The following PLEKHG7 variants were observed in gnomAD, a reference collection of about 807,000 sequenced individuals.
The protein encoded by PLEKHG7 is pleckstrin homology and RhoGEF domain containing G7, also known as pleckstrin homology domain-containing family G member 7.
Under a neutral mutation model 85.2 loss-of-function variants are expected in PLEKHG7, and 77 were observed. The ratio of observed to expected loss-of-function variants is 0.90; its 90% CI spans 0.75 to 1.09. The LOEUF (loss-of-function observed/expected upper bound fraction) is 1.09, where lower values mean the gene tolerates loss of function less well. PLEKHG7 is among the 50% of genes least tolerant of loss of function. PLEKHG7 has a pLI of 0.00. For missense variants in PLEKHG7, 777 were observed against 804.3 expected (o/e 0.97, Z 0.41); for synonymous variants, 301 against 302.4 (o/e 1.00, Z 0.05).
chr12:92,731,298 G>T (rs1312007982), intron 4 of PLEKHG7, among the ~76,000 whole-genome samples: 1 of 152,190 alleles, frequency 6.6e-6, no homozygotes, highest in Non-Finnish European at 1.5e-5. Context: ...CAATAAGCTG[G>T]TCAAAATGAA....
intron 3 of PLEKHG7, among the ~76,000 whole-genome samples, chr12:92,726,377 G>A (rs143223419): frequency 3.4e-4 from 51 of 152,232 alleles, no homozygotes; most frequent in African/African-American, 1.0e-3. Context: ...AACTTTCCAG[G>A]CAATTCATAG....
chr12:92,758,705 G>A (rs1293558462), intron 13 of PLEKHG7, among the ~76,000 whole-genome samples: 1 of 152,218 alleles, frequency 6.6e-6, no homozygotes, highest in Non-Finnish European at 1.5e-5. Context: ...CCAGGCACTT[G>A]TTTAATGGCA....
At chr12:92,758,059 T>G (rs750033502) in intron 13 of PLEKHG7, among the ~76,000 whole-genome samples, 29 of 152,238 alleles carry the variant, frequency 1.9e-4, no homozygotes, top group Non-Finnish European at 3.7e-4. Context: ...CAATTTTAAC[T>G]TTTCTTTAAT....
At chr12:92,738,617 G>A (rs963706394) in intron 7 of PLEKHG7, among the ~76,000 whole-genome samples, 3 of 152,214 alleles carry the variant, frequency 2.0e-5, no homozygotes, top group Admixed American at 2.0e-4. Flanking sequence ...GTGCATGACT[G>A]TCACCCAGAA....
At chr12:92,732,910 A>G (rs1203307388) in intron 5 of PLEKHG7, among the ~76,000 whole-genome samples, 2 of 152,092 alleles carry the variant, frequency 1.3e-5, no homozygotes, top group Non-Finnish European at 1.5e-5. Context: ...CTAGGGGGAG[A>G]AAAGGGACTG....
At chr12:92,706,122 T>C (rs947693633) in intron 1 of PLEKHG7, among the ~76,000 whole-genome samples, 1 of 152,218 alleles carries the variant, frequency 6.6e-6, no homozygotes, top group Non-Finnish European at 1.5e-5. Flanking sequence ...ATGTAGATGA[T>C]AAGGAGGATT....
intron 13 of PLEKHG7, 114 bp from the exon 14 acceptor site, chr12:92,761,625 AGAAAGAAAGAAAG>A (rs1363401826): frequency 1.6e-4 from 10 of 62,108 alleles, no homozygotes; most frequent in East Asian, 3.2e-3. Flanking sequence ...GAAAGAAAGA[AGAAAGAAAGAAAG>A]AAAGAAAGAA....
Position 92,707,098 on chromosome 12 carries a change from A to C in PLEKHG7, c.467A>C (p.His156Pro), listed in dbSNP as rs760578105. 10 of 1,613,882 alleles carry C rather than the reference A, an allele frequency of 6.2e-6. No homozygotes were observed. Among genetic ancestry groups the C allele is most frequent in the Non-Finnish European group, 5.1e-6 (6 of 1,179,982 alleles). The change falls in exon 2 of 17, where the codon CAC (histidine) becomes CCC (proline). Residue 156 changes from histidine to proline, a missense_variant. His to Pro is a moderately conservative substitution (Grantham distance 77). Around this residue, in one of 3 missense-constraint regions of PLEKHG7, gnomAD observed 252 missense variants for 241.9 expected, o/e 1.04. Transcript: ENST00000344636. ...GCCTCTCTTCGGCAGCAAGAAGGCC[A>C]CTTCCTGCCCAGCCCCACCCTACGA... Reference protein sequence around the residue: ...HQASLRQQEGHFLPSPTLRHP... With the variant: ...HQASLRQQEGPFLPSPTLRHP...
chr12:92,763,956 A>G, intron 14 of PLEKHG7, 85 bp from the exon 15 acceptor site: 1 of 1,173,772 alleles, frequency 8.5e-7, no homozygotes, highest in Non-Finnish European at 1.2e-6. Context: ...TGTTTCTCAG[A>G]ATCTATTTGC....
Position 92,737,399 on chromosome 12 carries a change from T to C in PLEKHG7, c.817T>C (p.Leu273=). The part of the protein sequence containing the change: ...GLKDKTWDEV[L]ETHHKLPTDQ... ...ACAGGATAAGACCTGGGATGAAGTC[T>C]TGGAAACACATCACAAACTCCCGAC... The change falls in exon 7 of 17, where the codon TTG becomes CTG. Residue 273 remains leucine (L), a synonymous_variant. Transcript: ENST00000344636. 6.5e-7 allele frequency: 1 copy of C among 1,539,410 alleles called. No homozygotes were observed. The highest frequency in any genetic ancestry group is 8.7e-7 in the Non-Finnish European group (1 of 1,152,790).
chr12:92,765,241 C>T (rs904641024), intron 15 of PLEKHG7, among the ~76,000 whole-genome samples: 4 of 151,272 alleles, frequency 2.6e-5, no homozygotes, highest in African/African-American at 9.7e-5. Flanking sequence ...AATCCCAGTA[C>T]TTTGGGAGGC....
Position 92,707,731 on chromosome 12 carries a change from T to G in PLEKHG7, c.530+59T>G, listed in dbSNP as rs757627067. On this transcript the variant is annotated intron_variant, in intron 3 of 16. Transcript: ENST00000344636. ...CATCTGTTGACTATTTACTATTAGA[T>G]TTTTATTTCTGTCCTGACATAACAA... 4 of 1,611,210 alleles carry G rather than the reference T, an allele frequency of 2.5e-6. No individual in the cohort carries two copies. The South Asian group carries it at 3.3e-5, about 13-fold the overall frequency.
At chr12:92,713,940 A>T (rs1871414988) in intron 3 of PLEKHG7, among the ~76,000 whole-genome samples, 1 of 151,976 alleles carries the variant, frequency 6.6e-6, no homozygotes, top group Admixed American at 6.6e-5. Flanking sequence ...GCCTGATCCA[A>T]CTCTATGTTC....
In PLEKHG7 at chr12:92,754,246, A is replaced by G; in HGVS notation, c.1408A>G (p.Lys470Glu). The G allele has an allele frequency of 6.2e-7, 1 of 1,613,918 alleles. No individual in the cohort carries two copies. Among genetic ancestry groups the G allele is most frequent in the Non-Finnish European group, 8.5e-7 (1 of 1,179,908 alleles). Residue 470 changes from lysine to glutamate, a missense_variant, in exon 11 of 17, where the codon AAG becomes GAG. Around this residue, in one of 3 missense-constraint regions of PLEKHG7, gnomAD observed 520 missense variants for 544.0 expected, o/e 0.96. Coordinates refer to ENST00000344636, the MANE Select transcript of PLEKHG7 (RefSeq NM_001377329.1). Reference sequence around the variant, plus strand: ...AATCATGATCTACTCCATCAAGGAAAAGGTGGAAAAGTCCATCCGTAAGTC... The same window carrying G: ...AATCATGATCTACTCCATCAAGGAAGAGGTGGAAAAGTCCATCCGTAAGTC... ...EKIMIYSIKE[K>E]VEKSIRDLEG... is the part of the protein sequence containing the mutation.
At chr12:92,721,702 CAAAAAAAAAAAAAA>C (rs71069170) in intron 3 of PLEKHG7, among the ~76,000 whole-genome samples, 29 of 43,372 alleles carry the variant, frequency 6.7e-4, no homozygotes, top group African/African-American at 2.0e-3. Flanking sequence ...AGCATAAAAC[CAAAAAAAAAAAAAA>C]AAAAAAAAAA....
intron 15 of PLEKHG7, among the ~76,000 whole-genome samples, chr12:92,766,661 G>C (rs1007765879): frequency 6.6e-6 from 1 of 151,894 alleles, no homozygotes; most frequent in African/African-American, 2.4e-5. Flanking sequence ...TGGTCAACGT[G>C]GTGAAAAAAT....
Position 92,732,268 on chromosome 12 carries a change from G to T in PLEKHG7, c.694G>T (p.Gly232Ter). The change falls in exon 5 of 17, where the codon GGA becomes TGA. Residue 232 changes from glycine to a stop codon, truncating the protein, a stop_gained. Transcript: ENST00000344636. LOFTEE classifies it high-confidence loss of function. ...GCCAAGATGGCCTTTCTCCAAAAGA[G>T]GAGTGGTAAGTGTTGCAAATTGCCA... ...KKPRWPFSKR[G>*]VGKDKHKHIS... 8.1e-7 allele frequency: 1 copy of T among 1,231,408 alleles called. No homozygotes were observed. Among genetic ancestry groups the T allele is most frequent in the East Asian group, 3.2e-5 (1 of 31,690 alleles). 76.3% of individuals were successfully genotyped at this position (1,231,408 alleles called of 1,614,324 possible).
chr12:92,715,072 T>C (rs751272430), intron 3 of PLEKHG7, among the ~76,000 whole-genome samples: 2 of 149,964 alleles, frequency 1.3e-5, no homozygotes, highest in Non-Finnish European at 3.0e-5. Flanking sequence ...AGATAAAGAG[T>C]TTATTAAGTA....
At chr12:92,754,843 C>T (rs754417407) in intron 11 of PLEKHG7, among the ~76,000 whole-genome samples, 6 of 151,948 alleles carry the variant, frequency 3.9e-5, no homozygotes, top group Non-Finnish European at 5.9e-5. Context: ...AGATTTTCCT[C>T]GTGGGCATCA....
Sources: gnomAD v4.1 joint callset for allele counts (sites outside exome capture counted in the v4.1 genomes callset) on GRCh38, gnomAD v4.1.1 for gene constraint, gnomAD v4.1.1 regional missense constraint, MANE v1.5 for transcripts, NCBI Gene and HGNC (gene_info 2026-07-23, HGNC 2026-07-21) for gene names.